Variants in RANBP2 observed in about 807,000 individuals in gnomAD.
RANBP2 encodes the protein RAN binding protein 2.
RANBP2 carries 57 observed loss-of-function variants against 303.6 expected under a neutral mutation model. The observed-to-expected ratio is 0.19, with a 90% confidence interval of 0.15 to 0.23. RANBP2 has a LOEUF of 0.23. Ranked by LOEUF, RANBP2 falls within the 10% of genes least tolerant of loss-of-function variation. The probability of loss-of-function intolerance (pLI) is 1.00; values close to 1 mark genes in which losing one functional copy is unlikely to be tolerated. For missense variants in RANBP2, 3,138 were observed against 3,780.8 expected (o/e 0.83, Z 4.46); for synonymous variants, 1,167 against 1,301.5 (o/e 0.90, Z 2.23).
the RANBP2 span, chr2:109,437,102 C>T: frequency 6.2e-7 from 1 of 1,613,040 alleles, no homozygotes; most frequent in African/African-American, 1.3e-5. Flanking sequence ...CTACGGCACT[C>T]AGCCCAGCCA....
At chr2:109,025,754 C>T in the RANBP2 span, among the ~76,000 whole-genome samples, 6 of 150,388 alleles carry the variant, frequency 4.0e-5, no homozygotes, top group East Asian at 5.9e-4. Context: ...GCCGAGATCA[C>T]GCCACTGCAC....
the RANBP2 span, among the ~76,000 whole-genome samples, chr2:109,628,314 CAA>C: frequency 6.6e-6 from 1 of 151,972 alleles, no homozygotes; most frequent in African/African-American, 2.4e-5. Context: ...GCCAACATAG[CAA>C]AACCTCATCT....
the RANBP2 span, among the ~76,000 whole-genome samples, chr2:108,859,894 A>G: frequency 9.4e-4 from 143 of 152,200 alleles, no homozygotes; most frequent in African/African-American, 3.3e-3. Context: ...GCTTTAGGCA[A>G]TATAACCATT....
Position 108,771,847 on chromosome 2 carries a change from T to C in RANBP2, c.7996T>C (p.Tyr2666His), listed in dbSNP as rs1347260086. 1 of 1,614,016 alleles carries C rather than the reference T, an allele frequency of 6.2e-7. No individual in the cohort carries two copies. The highest frequency in any genetic ancestry group is 1.7e-5 in the Admixed American group (1 of 60,014). ...TFFCYKNRPD[Y>H]VSEEEEDDED... ...CTTCTGCTACAAGAATAGACCAGATTATGTTAGTGAAGAAGAGGAGGATGG... is the reference window on the plus strand; with the variant it reads ...CTTCTGCTACAAGAATAGACCAGATCATGTTAGTGAAGAAGAGGAGGATGG... Residue 2666 changes from tyrosine (Y) to histidine (H), a missense_variant, in exon 21 of 29, where the codon TAT (tyrosine) becomes CAT (histidine). Coordinates refer to ENST00000283195, the MANE Select transcript of RANBP2 (RefSeq NM_006267.5).
At chr2:109,267,019 AC>A in the RANBP2 span, among the ~76,000 whole-genome samples, 1 of 152,094 alleles carries the variant, frequency 6.6e-6, no homozygotes, top group African/African-American at 2.4e-5. Flanking sequence ...AAACAATAAT[AC>A]CTGCAGACAG....
the RANBP2 span, among the ~76,000 whole-genome samples, chr2:109,656,509 T>C: frequency 4.3e-4 from 66 of 152,258 alleles, no homozygotes; most frequent in African/African-American, 1.5e-3. Context: ...AGCTAATTTT[T>C]TTGTAGTTTT....
At position 108,765,895 on chromosome 2, in the gene RANBP2, G is replaced by T. The variant is rs753417427; in HGVS notation, c.5356G>T (p.Asp1786Tyr). The stretch of plus-strand genomic sequence containing the variant: ...AATGTTCATCAGGAAAGGACAGTGG[G>T]ATTGTAGTGTTTGCTGTGTACAAAA... ...EGMFIRKGQW[D>Y]CSVCCVQNES... Residue 1786 changes from aspartate (D) to tyrosine (Y), a missense_variant, in exon 20 of 29, where the codon GAT becomes TAT. This residue lies in a region of RANBP2 where 348 missense variants were observed against 360.4 expected (regional missense o/e 0.97). Transcript: ENST00000283195. 25 of 1,614,072 alleles carry T rather than the reference G, an allele frequency of 1.5e-5. No homozygotes were observed. In the Admixed American group the frequency reaches 3.8e-4, roughly 25 times the overall value.
the RANBP2 span, among the ~76,000 whole-genome samples, chr2:109,015,138 A>G: frequency 1.6e-5 from 1 of 63,306 alleles, no homozygotes; most frequent in African/African-American, 6.9e-5. Context: ...AAAAAAAAAA[A>G]AAAAAAAAAA....
chr2:109,609,353 C>T, the RANBP2 span, among the ~76,000 whole-genome samples: 3 of 152,058 alleles, frequency 2.0e-5, no homozygotes, highest in African/African-American at 7.2e-5. Flanking sequence ...ATACAGGTTG[C>T]TCTTCCAGAA....
At chr2:109,614,611 C>A in the RANBP2 span, 3 of 1,458,586 alleles carry the variant, frequency 2.1e-6, no homozygotes, top group Non-Finnish European at 2.7e-6. Context: ...TTCAGGGGCG[C>A]CCTAGGCGGC....
chr2:109,020,018 G>A, the RANBP2 span, among the ~76,000 whole-genome samples: 2 of 152,208 alleles, frequency 1.3e-5, no homozygotes, highest in African/African-American at 4.8e-5. Flanking sequence ...AAGTTTCGGG[G>A]CAGTGTGTTG....
chr2:109,520,622 A>AGG, the RANBP2 span, among the ~76,000 whole-genome samples: 1 of 92,862 alleles, frequency 1.1e-5, no homozygotes, highest in African/African-American at 3.1e-5. Context: ...AAAAAAAAAA[A>AGG]AAGAAAAAAA....
At chr2:108,729,351 G>A (rs1573697469) in intron 2 of RANBP2, 152 bp downstream of exon 2, 1 of 1,002,774 alleles carries the variant, frequency 1.0e-6, no homozygotes, top group Non-Finnish European at 1.4e-6. Flanking sequence ...CTAAGGACCA[G>A]CCTAGATTCC....
At chr2:109,054,428 T>C in the RANBP2 span, among the ~76,000 whole-genome samples, 1 of 152,130 alleles carries the variant, frequency 6.6e-6, no homozygotes, top group East Asian at 1.9e-4. Flanking sequence ...GTGAGTTGGC[T>C]GGGCGCGGTG....
At chr2:109,614,808 G>T in the RANBP2 span, 9 of 1,465,804 alleles carry the variant, frequency 6.1e-6, 1 homozygote, top group South Asian at 2.6e-5. Context: ...CGAGGCCCCC[G>T]ACGGCCCTGC....
At chr2:109,053,798 G>A in the RANBP2 span, among the ~76,000 whole-genome samples, 102 of 152,272 alleles carry the variant, frequency 6.7e-4, no homozygotes, top group African/African-American at 2.2e-3. Flanking sequence ...CCATTTCTCC[G>A]GCTTGAAGTC....
At chr2:109,441,132 CA>C in the RANBP2 span, among the ~76,000 whole-genome samples, 264 of 133,982 alleles carry the variant, frequency 2.0e-3, 3 homozygotes, top group African/African-American at 5.3e-3. Context: ...TATAGGAATA[CA>C]AAAAAAAAAA....
chr2:109,335,594 G>A, the RANBP2 span, among the ~76,000 whole-genome samples: 3 of 151,854 alleles, frequency 2.0e-5, no homozygotes, highest in Non-Finnish European at 4.4e-5. Flanking sequence ...TGTCCCCTTA[G>A]CACTTAACCA....
the RANBP2 span, among the ~76,000 whole-genome samples, chr2:108,944,731 G>A: frequency 1.3e-5 from 2 of 152,162 alleles, no homozygotes; most frequent in Admixed American, 6.5e-5. Flanking sequence ...CACCCCCACC[G>A]TGCAGAGGAG....
Sources: allele counts gnomAD v4.1 joint callset (sites outside exome capture counted in the v4.1 genomes callset), GRCh38; gene constraint gnomAD v4.1.1; regional missense constraint gnomAD v4.1.1; transcripts MANE v1.5; gene names NCBI Gene and HGNC (gene_info 2026-07-23, HGNC 2026-07-21).